MBTPS2: variants seen among roughly 807,000 people sequenced by gnomAD.
MBTPS2 encodes the protein membrane-bound transcription factor site-2 protease.
MBTPS2 carries 2 observed loss-of-function variants against 35.4 expected under a neutral mutation model. That is an observed-to-expected ratio of 0.06 (90% CI 0.02 to 0.18). The LOEUF (loss-of-function observed/expected upper bound fraction) is 0.18. Ranked by LOEUF, MBTPS2 falls within the 10% of genes least tolerant of loss-of-function variation. MBTPS2 has a pLI of 1.00. For missense variants in MBTPS2, 244 were observed against 386.5 expected (o/e 0.63, Z 3.09); for synonymous variants, 125 against 140.4 (o/e 0.89, Z 0.77).
chrX:21,865,988 T>C (rs763943622), intron 5 of MBTPS2, among the ~76,000 whole-genome samples: 6 of 110,859 alleles, frequency 5.4e-5, no homozygotes, highest in Non-Finnish European at 9.4e-5. Flanking sequence ...TTTGTTTCTT[T>C]GAGACAGAGT....
chrX:21,839,678 C>A lies in MBTPS2; in HGVS notation c.-57C>A. On this transcript the variant is annotated 5_prime_UTR_variant, in exon 1 of 11. Transcript: ENST00000379484. Reference sequence around the variant, plus strand: ...TAAGGCGCGCGCGGTCAGCTGTTGGCGGTGCAGGGAGGAGGACGCCGGGGC... The same window carrying A: ...TAAGGCGCGCGCGGTCAGCTGTTGGAGGTGCAGGGAGGAGGACGCCGGGGC... 3 of 1,117,807 alleles carry A rather than the reference C, an allele frequency of 2.7e-6. No individual in the cohort carries two copies. The South Asian group carries it at 5.8e-5, about 22-fold the overall frequency. The allele number at this position is 1,117,807 out of a possible 1,213,427, so 92.1% of individuals were successfully genotyped here.
rs749482732 is a variant in MBTPS2, at chrX:21,882,690, A to T, written c.*35A>T. 1.7e-6 allele frequency: 2 copies of T among 1,207,141 alleles called. No individual in the cohort carries two copies. Among genetic ancestry groups the T allele is most frequent in the South Asian group, 1.8e-5 (1 of 56,859 alleles). On this transcript the variant is annotated 3_prime_UTR_variant, in exon 11 of 11. Coordinates refer to ENST00000379484, the MANE Select transcript of MBTPS2 (RefSeq NM_015884.4). ...TCATCTGACAGAATCCCTGAGTTAC[A>T]GTATACAGCTATGTGGTAATATTCA...
intron 7 of MBTPS2, among the ~76,000 whole-genome samples, chrX:21,873,977 C>CTGTG (rs1208053273): frequency 1.9e-4 from 15 of 79,874 alleles, no homozygotes; most frequent in Non-Finnish European, 3.0e-4. Flanking sequence ...ATGTGTGTGT[C>CTGTG]TGTGTGTGTG....
intron 5 of MBTPS2, among the ~76,000 whole-genome samples, chrX:21,865,773 A>G (rs943412266): frequency 6.2e-5 from 7 of 112,275 alleles, no homozygotes; most frequent in Non-Finnish European, 1.1e-4. Context: ...CTGTGTGTTT[A>G]GAGAATTAAG....
At chrX:21,851,167 G>C (rs2092914270) in intron 3 of MBTPS2, among the ~76,000 whole-genome samples, 2 of 111,375 alleles carry the variant, frequency 1.8e-5, no homozygotes, top group African/African-American at 6.5e-5. Context: ...CTGCTTCACT[G>C]TCATCCTGCA....
At chrX:21,865,794 T>G (rs974855316) in intron 5 of MBTPS2, among the ~76,000 whole-genome samples, 10 of 111,130 alleles carry the variant, frequency 9.0e-5, no homozygotes, top group Non-Finnish European at 1.3e-4. Context: ...GTAGTTGTGG[T>G]TTTTTTTTAT....
At chrX:21,847,275 G>A (rs1290829306) in intron 3 of MBTPS2, among the ~76,000 whole-genome samples, 1 of 111,941 alleles carries the variant, frequency 8.9e-6, no homozygotes, top group East Asian at 2.8e-4. Context: ...TAGGAGATCC[G>A]TGCTTTGGAA....
chrX:21,880,445 T>A (rs1289891800), intron 9 of MBTPS2, among the ~76,000 whole-genome samples: 1 of 111,098 alleles, frequency 9.0e-6, no homozygotes, highest in African/African-American at 3.3e-5. Context: ...TCTGACTAAT[T>A]ACAGGATAGT....
At chrX:21,857,057 C>G (rs959495609) in intron 5 of MBTPS2, 16 of 1,211,725 alleles carry the variant, frequency 1.3e-5, no homozygotes, top group Non-Finnish European at 1.8e-5. Flanking sequence ...GGTCCCCTAA[C>G]GATAACAATG....
At chrX:21,869,270 G>A (rs1219761350) in intron 6 of MBTPS2, among the ~76,000 whole-genome samples, 4 of 111,984 alleles carry the variant, frequency 3.6e-5, no homozygotes, top group African/African-American at 1.3e-4. Context: ...TCAGCAAGTC[G>A]GCTTTTTTTC....
intron 5 of MBTPS2, among the ~76,000 whole-genome samples, chrX:21,860,091 C>CAA (rs536679485): frequency 1.6e-4 from 10 of 63,101 alleles, no homozygotes; most frequent in East Asian, 1.1e-3. Context: ...GACCTTGTGT[C>CAA]AAAAAAAAAA....
chrX:21,864,597 A>G (rs2092937248), intron 5 of MBTPS2, among the ~76,000 whole-genome samples: 1 of 110,831 alleles, frequency 9.0e-6, no homozygotes, highest in Non-Finnish European at 1.9e-5. Flanking sequence ...TGAGGTGGGC[A>G]GGTTACTTGA....
At chrX:21,841,093 A>G (rs2092902096) in intron 1 of MBTPS2, among the ~76,000 whole-genome samples, 1 of 111,641 alleles carries the variant, frequency 9.0e-6, no homozygotes, top group Admixed American at 9.5e-5. Context: ...GCAAGATCCC[A>G]GGTGACTCCT....
At chrX:21,839,985 T>C (rs1027140160) in intron 1 of MBTPS2, among the ~76,000 whole-genome samples, 176 bp downstream of exon 1, 3 of 111,267 alleles carry the variant, frequency 2.7e-5, no homozygotes, top group Non-Finnish European at 5.7e-5. Context: ...GGGAGGGTTG[T>C]GGCGGCCTGC....
chrX:21,881,777 AAC>A (rs933436813), intron 10 of MBTPS2, among the ~76,000 whole-genome samples: 2 of 110,480 alleles, frequency 1.8e-5, no homozygotes, highest in Non-Finnish European at 3.8e-5. Flanking sequence ...CTCTACTAAA[AAC>A]ACAAAAATTA....
Position 21,882,371 on chromosome X carries a change from CAT to C in MBTPS2, c.1338-60_1338-59del, listed in dbSNP as rs2092960402. The stretch of plus-strand genomic sequence containing the variant: ...AGTCACAGTAAAATATCTTCTGACT[CAT>C]AGAAATATGGTTTCTACTCAGACCT... On this transcript the variant is annotated intron_variant, in intron 10 of 10. Transcript: ENST00000379484. 2.0e-5 allele frequency: 17 copies of C among 830,394 alleles called. No individual in the cohort carries two copies. The South Asian group carries it at 3.3e-4, about 16-fold the overall frequency. 68.4% of individuals were successfully genotyped at this position (830,394 alleles called of 1,213,427 possible).
Position 21,878,502 on chromosome X carries a change from A to T in MBTPS2, c.1071A>T (p.Thr357=). 8.3e-7 allele frequency: 1 copy of T among 1,198,533 alleles called. No homozygotes were observed. Among genetic ancestry groups the T allele is most frequent in the Non-Finnish European group, 1.1e-6 (1 of 883,486 alleles). Residue 357 remains threonine (T), a synonymous_variant, in exon 9 of 11, where the codon ACA becomes ACT. Coordinates refer to ENST00000379484, the MANE Select transcript of MBTPS2 (RefSeq NM_015884.4). ...GATTAATATTTTATTTATAGCATACATGTCTTCCTGCCCGGAAAGCAGTTG... is the reference window on the plus strand; with the variant it reads ...GATTAATATTTTATTTATAGCATACTTGTCTTCCTGCCCGGAAAGCAGTTG... ...YRNNFNKRLH[T]CLPARKAVEA... is the part of the protein sequence containing the mutation.
chrX:21,875,168 T>C (rs143227046), intron 7 of MBTPS2, among the ~76,000 whole-genome samples: 1 of 112,401 alleles, frequency 8.9e-6, no homozygotes, highest in East Asian at 2.8e-4. Flanking sequence ...AGATCACAAA[T>C]TGGTGGCAGC....
intron 5 of MBTPS2, among the ~76,000 whole-genome samples, chrX:21,855,154 C>G (rs1009951025): frequency 9.1e-6 from 1 of 110,366 alleles, no homozygotes; most frequent in African/African-American, 3.3e-5. Context: ...AAAAACAAAA[C>G]TAGATCTGCT....
Sources: gnomAD v4.1 joint callset for allele counts (sites outside exome capture counted in the v4.1 genomes callset) on GRCh38, gnomAD v4.1.1 for gene constraint, MANE v1.5 for transcripts, NCBI Gene and HGNC (gene_info 2026-07-23, HGNC 2026-07-21) for gene names.